Variants in FMN2 observed in about 807,000 individuals in gnomAD.
The protein encoded by FMN2 is formin-2.
In FMN2, 51 loss-of-function variants were observed where a neutral mutation model predicts 142.3. The ratio of observed to expected loss-of-function variants is 0.36; its 90% CI spans 0.29 to 0.45. The LOEUF (loss-of-function observed/expected upper bound fraction) is 0.45. Among genes scored for constraint, FMN2 ranks in the 20% least tolerant of loss-of-function variants. The pLI, the probability that FMN2 is intolerant of heterozygous loss-of-function variation, is 1.00. For missense variants in FMN2, 1,936 were observed against 2,122.8 expected, an observed-to-expected ratio of 0.91 and a Z score of 1.73; for synonymous variants, 882 against 869.8, an observed-to-expected ratio of 1.01 and a Z score of -0.25.
chr1:240,248,540 A>G (rs1668165188), intron 6 of FMN2, among the ~76,000 whole-genome samples: 2 of 151,290 alleles, frequency 1.3e-5, no homozygotes, highest in Non-Finnish European at 3.0e-5. Flanking sequence ...TATCTTTGCT[A>G]TTGTGAACAG....
chr1:240,236,292 A>G (rs755207220), intron 6 of FMN2, among the ~76,000 whole-genome samples: 31 of 152,126 alleles, frequency 2.0e-4, no homozygotes, highest in South Asian at 1.2e-3. Context: ...TTCAGAATGG[A>G]AGCTTTTAGC....
At chr1:240,256,146 G>T (rs1323608869) in intron 6 of FMN2, among the ~76,000 whole-genome samples, 1 of 152,092 alleles carries the variant, frequency 6.6e-6, no homozygotes, top group Non-Finnish European at 1.5e-5. Flanking sequence ...CAAGCAGCAT[G>T]ATTCAGCCCG....
intron 15 of FMN2, among the ~76,000 whole-genome samples, chr1:240,420,280 A>G (rs549322318): frequency 7.2e-5 from 11 of 152,078 alleles, no homozygotes; most frequent in Non-Finnish European, 1.0e-4. Flanking sequence ...TGGTGTGCCT[A>G]CTTCTCTCAG....
intron 6 of FMN2, among the ~76,000 whole-genome samples, chr1:240,247,587 C>T (rs1668124334): frequency 6.6e-6 from 1 of 151,612 alleles, no homozygotes; most frequent in Non-Finnish European, 1.5e-5. Context: ...AAACATGAGC[C>T]AATTGGGTTT....
chr1:240,147,461 C>T (rs1663536593), intron 2 of FMN2, among the ~76,000 whole-genome samples: 1 of 152,122 alleles, frequency 6.6e-6, no homozygotes, highest in South Asian at 2.1e-4. Flanking sequence ...GTCCACTCTG[C>T]TCTCTTTAGT....
intron 16 of FMN2, among the ~76,000 whole-genome samples, chr1:240,465,195 G>C (rs993085707): frequency 7.2e-5 from 11 of 152,026 alleles, no homozygotes; most frequent in Non-Finnish European, 1.3e-4. Flanking sequence ...AATTCCACAA[G>C]ACATCTAATA....
chr1:240,459,237 T>C (rs1572337573), intron 16 of FMN2: 1 of 152,206 alleles, frequency 6.6e-6, no homozygotes, highest in African/African-American at 2.4e-5. Flanking sequence ...AAAGCTACTC[T>C]AAATTTTACA....
At chr1:240,374,461 C>G (rs943866035) in intron 14 of FMN2, among the ~76,000 whole-genome samples, 1 of 152,214 alleles carries the variant, frequency 6.6e-6, no homozygotes, top group Non-Finnish European at 1.5e-5. Flanking sequence ...ATTATCTTAT[C>G]TAGATCTTCT....
chr1:240,115,541 A>C (rs2103203304), intron 1 of FMN2, among the ~76,000 whole-genome samples: 1 of 152,288 alleles, frequency 6.6e-6, no homozygotes, highest in African/African-American at 2.4e-5. Flanking sequence ...GCTGATGCCC[A>C]CTTCTGGGTT....
chr1:240,303,980 TTTTTCAGTTC>T (rs1190850713), intron 8 of FMN2, among the ~76,000 whole-genome samples: 2 of 152,184 alleles, frequency 1.3e-5, no homozygotes, highest in Non-Finnish European at 2.9e-5. Flanking sequence ...AGTTATTGTA[TTTTTCAGTTC>T]TTTTCAGTTA....
intron 13 of FMN2, among the ~76,000 whole-genome samples, chr1:240,338,217 A>G (rs1352612114): frequency 6.6e-6 from 1 of 152,194 alleles, no homozygotes; most frequent in Non-Finnish European, 1.5e-5. Context: ...AAACAAGTTT[A>G]AAATTCATCA....
chr1:240,331,786 T>C (rs1349682565), intron 11 of FMN2, among the ~76,000 whole-genome samples: 1 of 152,194 alleles, frequency 6.6e-6, no homozygotes, highest in African/African-American at 2.4e-5. Context: ...TAGCCTAGCC[T>C]GCCTCAAACA....
At chr1:240,436,130 A>C (rs902680215) in intron 15 of FMN2, among the ~76,000 whole-genome samples, 2 of 152,282 alleles carry the variant, frequency 1.3e-5, no homozygotes, top group African/African-American at 4.8e-5. Flanking sequence ...TGCCATCAAC[A>C]CATTCCGCCA....
At chr1:240,110,821 A>T (rs1001795750) in intron 1 of FMN2, among the ~76,000 whole-genome samples, 5 of 151,926 alleles carry the variant, frequency 3.3e-5, no homozygotes, top group African/African-American at 7.2e-5. Flanking sequence ...CCTTTTTTTT[A>T]AAAAAAATTG....
chr1:240,234,095 T>A (rs1667617361), intron 6 of FMN2, among the ~76,000 whole-genome samples: 1 of 152,158 alleles, frequency 6.6e-6, no homozygotes. Flanking sequence ...TAGACAGCCG[T>A]GAGTTTAAAT....
chr1:240,120,790 AG>A (rs768877024), intron 1 of FMN2, among the ~76,000 whole-genome samples: 1 of 152,212 alleles, frequency 6.6e-6, no homozygotes, highest in Non-Finnish European at 1.5e-5. Context: ...TGGCCCTGGA[AG>A]GGACCCTAGA....
intron 2 of FMN2, among the ~76,000 whole-genome samples, chr1:240,152,310 AAAAAAAAAG>A (rs1663819022): frequency 6.6e-6 from 1 of 151,606 alleles, no homozygotes; most frequent in Admixed American, 6.6e-5. Context: ...CTCATTTAAA[AAAAAAAAAG>A]AAAAAGCCTT....
chr1:240,137,526 A>C (rs955875334), intron 2 of FMN2, among the ~76,000 whole-genome samples: 9 of 152,232 alleles, frequency 5.9e-5, no homozygotes, highest in Admixed American at 6.5e-5. Flanking sequence ...ATACATAGAT[A>C]GTAAATTTAT....
At chr1:240,268,759 G>T (rs931128203) in intron 7 of FMN2, among the ~76,000 whole-genome samples, 9 of 151,918 alleles carry the variant, frequency 5.9e-5, no homozygotes, top group African/African-American at 2.2e-4. Context: ...GTGTGAGATA[G>T]TATCTCATTT....
Sources: allele counts gnomAD v4.1 joint callset (sites outside exome capture counted in the v4.1 genomes callset), GRCh38; gene constraint gnomAD v4.1.1; transcripts MANE v1.5; gene names NCBI Gene and HGNC (gene_info 2026-07-23, HGNC 2026-07-21).